Variants in CDK7 observed in about 807,000 individuals in gnomAD.
The protein encoded by CDK7 is cyclin dependent kinase 7, also known as cyclin-dependent kinase 7.
A neutral mutation model predicts 49.1 loss-of-function variants in CDK7; 25 were observed. The observed-to-expected ratio is 0.51, with a 90% confidence interval of 0.37 to 0.71. The LOEUF (loss-of-function observed/expected upper bound fraction) is 0.71, where lower values mean the gene tolerates loss of function less well. CDK7 is among the 30% of genes least tolerant of loss of function. The pLI, the probability that CDK7 is intolerant of heterozygous loss-of-function variation, is 0.00. For missense variants in CDK7, 316 were observed against 411.7 expected (o/e 0.77, Z 2.01); for synonymous variants, 107 against 140.0 (o/e 0.76, Z 1.67).
intron 2 of CDK7, among the ~76,000 whole-genome samples, chr5:69,247,098 A>G (rs186355988): frequency 6.6e-4 from 101 of 152,296 alleles, no homozygotes; most frequent in Non-Finnish European, 1.2e-3. Context: ...TTTTCTATAA[A>G]TATCTATTAG....
At chr5:69,273,539 T>C (rs1010375880) in intron 10 of CDK7, among the ~76,000 whole-genome samples, 27 of 152,182 alleles carry the variant, frequency 1.8e-4, no homozygotes, top group Admixed American at 2.0e-4. Flanking sequence ...TCAGATATAA[T>C]TGTATGCTTA....
At chr5:69,258,674 G>A (rs1200082039) in intron 6 of CDK7, among the ~76,000 whole-genome samples, 2 of 152,084 alleles carry the variant, frequency 1.3e-5, no homozygotes, top group Non-Finnish European at 2.9e-5. Flanking sequence ...GAGCCATTGC[G>A]CCCGGCCTCC....
intron 6 of CDK7, among the ~76,000 whole-genome samples, chr5:69,258,376 A>ATTT (rs58004328): frequency 3.8e-5 from 4 of 105,032 alleles, no homozygotes; most frequent in African/African-American, 7.6e-5. Context: ...CCAGTCCCTC[A>ATTT]TTTTTTTTTT....
Position 69,259,806 on chromosome 5 carries a change from T to G in CDK7, c.409-12T>G. 1 of 1,576,016 alleles carries G rather than the reference T, an allele frequency of 6.3e-7. No homozygotes were observed. Among genetic ancestry groups the G allele is most frequent in the Non-Finnish European group, 8.7e-7 (1 of 1,145,420 alleles). On this transcript the variant is annotated splice_polypyrimidine_tract_variant and intron_variant, in intron 6 of 11. Coordinates refer to ENST00000256443, the MANE Select transcript of CDK7 (RefSeq NM_001799.4). ...CCTGCTTATTTGTTTGTTTAAAACT[T>G]CCGTCATATAGGATCTGAAACCAAA...
chr5:69,273,990 T>A lies in CDK7; in HGVS notation c.864+949T>A, dbSNP rs540544096. 2.2e-4 allele frequency among the ~76,000 whole-genome samples: 33 copies of A among 152,240 alleles called. 2 individuals carry two copies. Among genetic ancestry groups the A allele is most frequent in the East Asian group, 1.2e-3 (6 of 5,190 alleles). On this transcript the variant is annotated intron_variant, in intron 10 of 11. Transcript: ENST00000256443. ...TTCTCCTAATTTCTTTTTTAAAAAA[T>A]TTTTCTTTATTATTTTTATGTCCAT... is the stretch of plus-strand genomic sequence containing the variant.
intron 2 of CDK7, among the ~76,000 whole-genome samples, chr5:69,244,336 G>T (rs1358133287): frequency 6.6e-6 from 1 of 151,878 alleles, no homozygotes; most frequent in Admixed American, 6.6e-5. Context: ...TCGTTTTTTG[G>T]TGGAGTCTTT....
chr5:69,267,833 G>T (rs1482937107), intron 8 of CDK7, among the ~76,000 whole-genome samples: 1 of 152,166 alleles, frequency 6.6e-6, no homozygotes, highest in East Asian at 1.9e-4. Flanking sequence ...TTACAACCTT[G>T]TCCACAATTT....
At chr5:69,275,777 A>C (rs1237969294) in intron 10 of CDK7, among the ~76,000 whole-genome samples, 1 of 152,166 alleles carries the variant, frequency 6.6e-6, no homozygotes, top group Admixed American at 6.5e-5. Context: ...AGTTCAAGAC[A>C]AGCCTGGCCA....
chr5:69,259,586 TGAA>T (rs1178123213), intron 6 of CDK7, among the ~76,000 whole-genome samples: 1 of 152,184 alleles, frequency 6.6e-6, no homozygotes, highest in Non-Finnish European at 1.5e-5. Flanking sequence ...AGAAACTCTA[TGAA>T]GTATGTAAAT....
At chr5:69,267,592 T>G (rs1751249213) in intron 8 of CDK7, among the ~76,000 whole-genome samples, 1 of 152,090 alleles carries the variant, frequency 6.6e-6, no homozygotes, top group Non-Finnish European at 1.5e-5. Flanking sequence ...CCACCACACC[T>G]GGCCATCTAT....
Position 69,252,398 on chromosome 5 carries a change from T to G in CDK7, c.127-20T>G. The G allele has an allele frequency of 1.3e-6, 2 of 1,488,172 alleles. No homozygotes were observed. Among genetic ancestry groups the G allele is most frequent in the East Asian group, 2.3e-5 (1 of 43,400 alleles). The allele number at this position is 1,488,172 out of a possible 1,614,324, so 92.2% of individuals were successfully genotyped here. A position where few individuals can be genotyped will look rare whatever the true frequency, so the allele number is the denominator to read the frequency against. On this transcript the variant is annotated intron_variant, in intron 2 of 11. Transcript: ENST00000256443. ...TTAACACATTTTTAATATATTTGGG[T>G]TTTTTTCCGTTTCTACCAGATCAAA...
chr5:69,237,021 T>G (rs1749043447), intron 2 of CDK7, among the ~76,000 whole-genome samples: 2 of 150,434 alleles, frequency 1.3e-5, no homozygotes, highest in South Asian at 4.2e-4. Flanking sequence ...CTGGTTTATG[T>G]TTTATGATCC....
chr5:69,248,672 G>A (rs1749917485), intron 2 of CDK7, among the ~76,000 whole-genome samples: 1 of 152,082 alleles, frequency 6.6e-6, no homozygotes, highest in African/African-American at 2.4e-5. Context: ...ACAGGTGTGA[G>A]CCACAGTGCC....
chr5:69,273,905 A>T (rs1432291104), intron 10 of CDK7, among the ~76,000 whole-genome samples: 1 of 152,202 alleles, frequency 6.6e-6, no homozygotes, highest in Non-Finnish European at 1.5e-5. Context: ...GGATGGAAGG[A>T]TAGATAGATA....
chr5:69,238,956 A>C (rs2150181290), intron 2 of CDK7, among the ~76,000 whole-genome samples: 1 of 152,226 alleles, frequency 6.6e-6, no homozygotes, highest in African/African-American at 2.4e-5. Flanking sequence ...TGATTATTAG[A>C]TTCCATTATA....
chr5:69,259,681 G>A, intron 6 of CDK7, 137 bp from the exon 7 acceptor site: 3 of 640,706 alleles, frequency 4.7e-6, no homozygotes, highest in Non-Finnish European at 8.3e-6. Flanking sequence ...TTTTATATCA[G>A]TGGGAAAAAA....
intron 10 of CDK7, among the ~76,000 whole-genome samples, chr5:69,275,166 CT>C (rs1751989574): frequency 1.3e-5 from 2 of 151,498 alleles, no homozygotes; most frequent in Non-Finnish European, 1.5e-5. Context: ...TGTATTGTAT[CT>C]ACAGCACTAT....
intron 7 of CDK7, among the ~76,000 whole-genome samples, chr5:69,260,165 T>C (rs1750726392): frequency 6.6e-6 from 1 of 152,152 alleles, no homozygotes; most frequent in Non-Finnish European, 1.5e-5. Flanking sequence ...CTGGCCAACA[T>C]GGTGAAACCC....
intron 7 of CDK7, 71 bp from the exon 8 acceptor site, chr5:69,262,134 G>T: frequency 6.3e-7 from 1 of 1,589,918 alleles, no homozygotes; most frequent in Non-Finnish European, 8.6e-7. Flanking sequence ...GACAAGGATC[G>T]TTCATCCCTA....
Sources: allele counts gnomAD v4.1 joint callset (sites outside exome capture counted in the v4.1 genomes callset), GRCh38; gene constraint gnomAD v4.1.1; transcripts MANE v1.5; gene names NCBI Gene and HGNC (gene_info 2026-07-23, HGNC 2026-07-21).